Variants in ROCK1 observed in about 807,000 individuals in gnomAD.
ROCK1 encodes the protein Rho associated coiled-coil containing protein kinase 1.
A neutral mutation model predicts 196.8 loss-of-function variants in ROCK1; 36 were observed. The ratio of observed to expected loss-of-function variants is 0.18; its 90% CI spans 0.14 to 0.24. The LOEUF is 0.24. Ranked by LOEUF, ROCK1 falls within the 10% of genes least tolerant of loss-of-function variation. ROCK1 has a pLI of 1.00. For synonymous variants in ROCK1, 443 were observed against 515.9 expected (o/e 0.86, Z 1.91); for missense variants, 920 against 1,562.0 (o/e 0.59, Z 6.93).
chr18:20,969,469 T>C (rs971643088), intron 23 of ROCK1: 11 of 265,862 alleles, frequency 4.1e-5, no homozygotes, highest in Admixed American at 2.1e-4. Context: ...GATAACTAGA[T>C]TGCAAACTAA....
chr18:21,002,472 G>C (rs1370600320), intron 16 of ROCK1, among the ~76,000 whole-genome samples: 20 of 151,922 alleles, frequency 1.3e-4, no homozygotes, highest in Admixed American at 1.3e-3. Flanking sequence ...AGGATGCCTG[G>C]GAAATAACTC....
intron 2 of ROCK1, among the ~76,000 whole-genome samples, chr18:21,050,626 A>T (rs1009731253): frequency 2.0e-5 from 3 of 152,206 alleles, no homozygotes; most frequent in Admixed American, 2.0e-4. Flanking sequence ...TCAGAGTTGT[A>T]CAAAATACAC....
intron 1 of ROCK1, among the ~76,000 whole-genome samples, chr18:21,072,161 T>G (rs1486279079): frequency 6.6e-6 from 1 of 152,162 alleles, no homozygotes; most frequent in Non-Finnish European, 1.5e-5. Context: ...GCATCTGAGT[T>G]TTGCGTGACC....
rs2035622094 is a variant in ROCK1, at chr18:20,991,173, T to C, written c.2143+3A>G. On this transcript the variant is annotated splice_donor_region_variant and intron_variant, in intron 18 of 32. Coordinates refer to ENST00000399799, the MANE Select transcript of ROCK1 (RefSeq NM_005406.3). Reference sequence around the variant, plus strand: ...TTGTAAAAATATTAAAACTGACACTTACCACACATTGCCACAGACTTTGCC... The same window carrying C: ...TTGTAAAAATATTAAAACTGACACTCACCACACATTGCCACAGACTTTGCC... 1 of 1,583,990 alleles carries C rather than the reference T, an allele frequency of 6.3e-7. No individual in the cohort carries two copies. The highest frequency in any genetic ancestry group is 8.5e-7 in the Non-Finnish European group (1 of 1,171,614).
chr18:21,019,516 G>A (rs1310518206), intron 12 of ROCK1, among the ~76,000 whole-genome samples: 12 of 152,176 alleles, frequency 7.9e-5, no homozygotes, highest in South Asian at 4.1e-4. Flanking sequence ...ACTGTTGGCC[G>A]GGTGCGGTGG....
intron 12 of ROCK1, among the ~76,000 whole-genome samples, chr18:21,019,621 G>A (rs1197889886): frequency 1.3e-5 from 2 of 151,198 alleles, no homozygotes; most frequent in Non-Finnish European, 2.9e-5. Flanking sequence ...GTGAAACCCC[G>A]TCTCTACTAA....
At chr18:20,960,293 C>T in intron 27 of ROCK1, 87 bp from the exon 28 acceptor site, 1 of 802,130 alleles carries the variant, frequency 1.2e-6, no homozygotes, top group Non-Finnish European at 2.2e-6. Flanking sequence ...CATGCAGCAA[C>T]AAGCAATTGA....
intron 16 of ROCK1, 25 bp downstream of exon 16, chr18:21,006,326 T>C: frequency 6.4e-7 from 1 of 1,574,530 alleles, no homozygotes; most frequent in Non-Finnish European, 8.6e-7. Flanking sequence ...TACGTATATT[T>C]TACCACAATA....
chr18:20,951,871 C>T (rs1165182276), intron 32 of ROCK1, among the ~76,000 whole-genome samples: 1 of 152,140 alleles, frequency 6.6e-6, no homozygotes, highest in South Asian at 2.1e-4. Flanking sequence ...GCTTCTAATT[C>T]GAGTGGCCCT....
intron 10 of ROCK1, 50 bp downstream of exon 10, chr18:21,028,726 T>A (rs765601350): frequency 1.3e-6 from 2 of 1,482,550 alleles, no homozygotes; most frequent in South Asian, 2.6e-5. Flanking sequence ...TAGATATTTC[T>A]AAGAACAAAA....
In ROCK1 at chr18:21,015,612, A is replaced by G. The variant is rs1022806692; in HGVS notation, c.1362-133T>C. ...TCTTGGTGCCATGGATCTCTTTGGCAGTCAAGTGAAGCCTATGGCCTTTTT... is the reference window on the plus strand; with the variant it reads ...TCTTGGTGCCATGGATCTCTTTGGCGGTCAAGTGAAGCCTATGGCCTTTTT... On this transcript the variant is annotated intron_variant, in intron 12 of 32. Coordinates refer to ENST00000399799, the MANE Select transcript of ROCK1 (RefSeq NM_005406.3). 4 of 648,428 alleles carry G rather than the reference A, an allele frequency of 6.2e-6. No individual in the cohort carries two copies. In the East Asian group the frequency reaches 8.4e-5, roughly 14 times the overall value. The allele number at this position is 648,428 out of a possible 1,614,324, so 40.2% of individuals were successfully genotyped here.
intron 19 of ROCK1, among the ~76,000 whole-genome samples, chr18:20,985,783 C>T (rs886487077): frequency 5.3e-5 from 8 of 152,168 alleles, no homozygotes; most frequent in Non-Finnish European, 1.0e-4. Flanking sequence ...AATTTCTCTT[C>T]TTTCTAGTCC....
chr18:21,065,149 A>G (rs2036323194), intron 2 of ROCK1, among the ~76,000 whole-genome samples: 2 of 152,192 alleles, frequency 1.3e-5, no homozygotes, highest in South Asian at 4.1e-4. Flanking sequence ...GCTTTGTCTC[A>G]AGGTCTGTGT....
At chr18:20,988,428 C>G (rs1290897869) in intron 18 of ROCK1, among the ~76,000 whole-genome samples, 2 of 152,160 alleles carry the variant, frequency 1.3e-5, no homozygotes, top group Non-Finnish European at 2.9e-5. Context: ...CTCTCTACTA[C>G]TACCAGTGTT....
chr18:20,976,472 G>A (rs1568372820), intron 22 of ROCK1, among the ~76,000 whole-genome samples: 2 of 152,072 alleles, frequency 1.3e-5, no homozygotes, highest in Non-Finnish European at 2.9e-5. Flanking sequence ...AGAAGATCCT[G>A]ACATACTGGG....
At chr18:21,024,482 TA>T (rs1005881564) in intron 10 of ROCK1, among the ~76,000 whole-genome samples, 1 of 152,200 alleles carries the variant, frequency 6.6e-6, no homozygotes, top group African/African-American at 2.4e-5. Flanking sequence ...ACGACTACCA[TA>T]ATCACTACTT....
At chr18:21,076,453 G>A (rs1171969923) in intron 1 of ROCK1, among the ~76,000 whole-genome samples, 13 of 152,202 alleles carry the variant, frequency 8.5e-5, no homozygotes, top group East Asian at 3.8e-4. Flanking sequence ...GCAGTGAGCC[G>A]AGATCGTGCC....
In ROCK1 at chr18:21,028,723, T is replaced by A. The variant is rs73959776; in HGVS notation, c.1211+53A>T. ...TACTTTAAAAATGATTTTTAGATATTTCTAAGAACAAAATCAGCACTTACT... is the reference window on the plus strand; with the variant it reads ...TACTTTAAAAATGATTTTTAGATATATCTAAGAACAAAATCAGCACTTACT... On this transcript the variant is annotated intron_variant, in intron 10 of 32. Coordinates refer to ENST00000399799, the MANE Select transcript of ROCK1 (RefSeq NM_005406.3). The A allele has an allele frequency of 2.2e-3, 3,220 of 1,464,548 alleles. 62 individuals carry two copies. The African/African-American group carries it at 0.04, about 18-fold the overall frequency. The allele number at this position is 1,464,548 out of a possible 1,614,324, so 90.7% of individuals were successfully genotyped here.
At chr18:21,082,856 A>C (rs1307654155) in intron 1 of ROCK1, among the ~76,000 whole-genome samples, 3 of 152,178 alleles carry the variant, frequency 2.0e-5, no homozygotes, top group Non-Finnish European at 4.4e-5. Flanking sequence ...AAAGAAATAA[A>C]AGGCATCCAA....
Sources: gnomAD v4.1 joint callset for allele counts (sites outside exome capture counted in the v4.1 genomes callset) on GRCh38, gnomAD v4.1.1 for gene constraint, MANE v1.5 for transcripts, NCBI Gene and HGNC (gene_info 2026-07-23, HGNC 2026-07-21) for gene names.